Variants in METTL21A observed in about 807,000 individuals in gnomAD.
The protein encoded by METTL21A is methyltransferase 21A, HSPA lysine, also known as protein N-lysine methyltransferase METTL21A.
In METTL21A, 22 loss-of-function variants were observed where a neutral mutation model predicts 20.9. The ratio of observed to expected loss-of-function variants is 1.05; its 90% CI spans 0.75 to 1.50. The LOEUF is 1.50. Ranked by LOEUF, METTL21A falls within the 40% of genes most tolerant of loss-of-function variation. The pLI, the probability that METTL21A is intolerant of heterozygous loss-of-function variation, is 0.00. For missense variants in METTL21A, 271 were observed against 266.8 expected, an observed-to-expected ratio of 1.02 and a Z score of -0.11; for synonymous variants, 93 against 102.0, an observed-to-expected ratio of 0.91 and a Z score of 0.53.
downstream of METTL21A, among the ~76,000 whole-genome samples, chr2:207,606,527 C>A (rs1305869492): frequency 2.0e-5 from 3 of 152,120 alleles, no homozygotes; most frequent in Admixed American, 1.3e-4. Flanking sequence ...TAAGGACTGT[C>A]CGGTGTCATG....
chr2:207,619,433 G>A (rs1403544943), intron 3 of METTL21A, among the ~76,000 whole-genome samples: 1 of 152,068 alleles, frequency 6.6e-6, no homozygotes, highest in African/African-American at 2.4e-5. Context: ...ATTTTGAAGA[G>A]ACTAACATTT....
At chr2:207,585,372 C>T (rs2083637177) in intron 3 of METTL21A, among the ~76,000 whole-genome samples, 1 of 152,130 alleles carries the variant, frequency 6.6e-6, no homozygotes, top group African/African-American at 2.4e-5. Flanking sequence ...CACATCTGAA[C>T]CCACCTAGAA....
Position 207,602,789 on chromosome 2 carries a change from G to T in METTL21A, c.259+19017C>A, listed in dbSNP as rs533029090. ...GGAAATAATTGTCAACATTTTTTTT[G>T]AGTATAGATTTATTAGGGGTGGCAA... On this transcript the variant is annotated intron_variant, in intron 3 of 3. Coordinates refer to the METTL21A transcript ENST00000425132. 366 of 215,022 alleles carry T rather than the reference G, an allele frequency of 1.7e-3. 3 individuals are homozygous for T. The highest frequency in any genetic ancestry group is 7.3e-3 in the African/African-American group (324 of 44,380). The allele number at this position is 215,022 out of a possible 1,614,324, so 13.3% of individuals were successfully genotyped here. A position where few individuals can be genotyped will look rare whatever the true frequency, so the allele number is the denominator to read the frequency against.
intron 3 of METTL21A, among the ~76,000 whole-genome samples, chr2:207,585,302 G>A (rs983173793): frequency 1.3e-5 from 2 of 152,174 alleles, no homozygotes; most frequent in Non-Finnish European, 2.9e-5. Flanking sequence ...AATCATAGAT[G>A]CCATGAGAGA....
intron 3 of METTL21A, chr2:207,620,710 G>A (rs1338565569): frequency 4.6e-6 from 7 of 1,531,492 alleles, no homozygotes; most frequent in Non-Finnish European, 6.1e-6. Flanking sequence ...GTTGAAGACG[G>A]ACGGAAACCT....
chr2:207,613,139 C>G (rs1322865273), exon 4 of METTL21A: 2 of 1,613,646 alleles, frequency 1.2e-6, no homozygotes, highest in African/African-American at 1.3e-5. Flanking sequence ...TAAATTGCCT[C>G]TCCAGCATTG....
intron 3 of METTL21A, among the ~76,000 whole-genome samples, chr2:207,590,934 TCA>T (rs2084918772): frequency 6.6e-6 from 1 of 152,226 alleles, no homozygotes; most frequent in African/African-American, 2.4e-5. Flanking sequence ...TTATTTGCAT[TCA>T]GTTTAAAAAT....
intron 3 of METTL21A, chr2:207,615,700 AAAAAAAAAAGAAAAG>A (rs1224907495): frequency 1.3e-5 from 2 of 152,406 alleles, no homozygotes; most frequent in African/African-American, 4.8e-5. Context: ...GTCTAAAAAA[AAAAAAAAAAGAAAAG>A]AAAAGAAAAG....
chr2:207,619,913 G>C (rs577821880), intron 3 of METTL21A, among the ~76,000 whole-genome samples: 2 of 152,280 alleles, frequency 1.3e-5, no homozygotes, highest in Admixed American at 1.3e-4. Context: ...TGTACAGATG[G>C]GGTAATCAAT....
At chr2:207,597,069 A>G (rs2086302538) in intron 3 of METTL21A, 1 of 1,587,332 alleles carries the variant, frequency 6.3e-7, no homozygotes, top group Non-Finnish European at 8.5e-7. Context: ...TTTGGGATTT[A>G]AATTTTCACC....
intron 3 of METTL21A, among the ~76,000 whole-genome samples, chr2:207,585,646 A>G (rs1453880425): frequency 6.6e-6 from 1 of 152,254 alleles, no homozygotes; most frequent in Non-Finnish European, 1.5e-5. Context: ...AAACTCAGCA[A>G]GAAACAACAG....
chr2:207,592,513 A>G (rs997252059), intron 3 of METTL21A, among the ~76,000 whole-genome samples: 1 of 152,154 alleles, frequency 6.6e-6, no homozygotes. Flanking sequence ...GATTTGCAGC[A>G]ATTCAAATAT....
intron 3 of METTL21A, among the ~76,000 whole-genome samples, chr2:207,588,889 C>CG (rs34628133): frequency 0.16 from 23,036 of 141,836 alleles, 1,970 homozygotes; most frequent in Middle Eastern, 0.2. Context: ...GGAGCTTTGT[C>CG]GGGGGGGGTG....
chr2:207,591,186 CTACT>C (rs1215486504), intron 3 of METTL21A, among the ~76,000 whole-genome samples: 1 of 152,138 alleles, frequency 6.6e-6, no homozygotes, highest in Non-Finnish European at 1.5e-5. Flanking sequence ...CTCTGAGACT[CTACT>C]TAGTCTATCA....
chr2:207,620,819 T>C (rs1259682501), intron 3 of METTL21A: 4 of 841,754 alleles, frequency 4.8e-6, no homozygotes, highest in Middle Eastern at 2.3e-4. Context: ...AGTGAAAAAG[T>C]ATTGGGTTTC....
chr2:207,622,401 G>GC (rs1426906230), intron 2 of METTL21A, among the ~76,000 whole-genome samples: 1 of 151,974 alleles, frequency 6.6e-6, no homozygotes, highest in African/African-American at 2.4e-5. Flanking sequence ...GAACTCCTGA[G>GC]CTCCTGCGTC....
At chr2:207,625,810 A>C (rs1246282159), upstream of METTL21A, 1 of 152,252 alleles carries the variant, frequency 6.6e-6, no homozygotes, top group Non-Finnish European at 1.5e-5. Flanking sequence ...GCTCGCTCCG[A>C]AGAAGGCATG....
At chr2:207,624,604 T>A in intron 1 of METTL21A, 200 bp from the exon 2 acceptor site, 1 of 448,124 alleles carries the variant, frequency 2.2e-6, no homozygotes, top group Non-Finnish European at 3.9e-6. Flanking sequence ...TCAACGGATG[T>A]GTTTGGGGAA....
At chr2:207,599,514 A>G (rs576414289) in intron 3 of METTL21A, 1 of 195,750 alleles carries the variant, frequency 5.1e-6, no homozygotes, top group East Asian at 8.0e-5. Context: ...GAGCTGGATG[A>G]ATTTATAAGT....
Sources: allele counts gnomAD v4.1 joint callset (sites outside exome capture counted in the v4.1 genomes callset), GRCh38; gene constraint gnomAD v4.1.1; transcripts MANE v1.5; gene names NCBI Gene and HGNC (gene_info 2026-07-23, HGNC 2026-07-21).